TEKT5: variants seen among roughly 807,000 people sequenced by gnomAD.
TEKT5 encodes the protein tektin 5, also known as tektin-5.
Under a neutral mutation model 48.7 loss-of-function variants are expected in TEKT5, and 52 were observed. That is an observed-to-expected ratio of 1.07 (90% CI 0.86 to 1.35). The LOEUF (loss-of-function observed/expected upper bound fraction) is 1.35, where lower values mean the gene tolerates loss of function less well. Ranked by LOEUF, TEKT5 falls within the 40% of genes most tolerant of loss-of-function variation. The pLI is 0.00. For synonymous variants in TEKT5, 318 were observed against 267.6 expected (o/e 1.19, Z -1.84); for missense variants, 831 against 641.6 (o/e 1.30, Z -3.19).
chr16:10,679,542 T>G (rs1376553084), intron 4 of TEKT5, among the ~76,000 whole-genome samples: 1 of 151,926 alleles, frequency 6.6e-6, no homozygotes, highest in Non-Finnish European at 1.5e-5. Context: ...ATAGAGATAC[T>G]GCAATTCAGA....
Position 10,647,883 on chromosome 16 carries a change from C to A in TEKT5, c.1087-11965G>T, listed in dbSNP as rs573728578. ...CAAGCACTGTTCTAGGCAGTGGATC[C>A]GAGTAACCACAACAGCTGGAAAACC... On this transcript the variant is annotated intron_variant, in intron 5 of 6. Transcript: ENST00000283025. 2.0e-5 allele frequency among the ~76,000 whole-genome samples: 3 copies of A among 152,324 alleles called. No individual in the cohort carries two copies. In the East Asian group the frequency reaches 5.8e-4, roughly 29 times the overall value.
intron 5 of TEKT5, among the ~76,000 whole-genome samples, chr16:10,645,209 G>A (rs1022371784): frequency 4.6e-5 from 7 of 152,164 alleles, no homozygotes; most frequent in Admixed American, 2.6e-4. Flanking sequence ...ACATACTGAT[G>A]TTAAAACATG....
chr16:10,678,441 G>T (rs190318326), intron 4 of TEKT5, among the ~76,000 whole-genome samples: 1 of 152,232 alleles, frequency 6.6e-6, no homozygotes, highest in African/African-American at 2.4e-5. Flanking sequence ...ATGGTGCATA[G>T]AAAGTTTTAA....
At chr16:10,691,803 C>T (rs1567237889) in intron 1 of TEKT5, among the ~76,000 whole-genome samples, 1 of 152,022 alleles carries the variant, frequency 6.6e-6, no homozygotes, top group African/African-American at 2.4e-5. Context: ...AAAAGATTAG[C>T]GGGGCATAGT....
chr16:10,638,442 A>G (rs1897946159), intron 5 of TEKT5, among the ~76,000 whole-genome samples: 1 of 151,468 alleles, frequency 6.6e-6, no homozygotes, highest in South Asian at 2.1e-4. Flanking sequence ...TCCCAGACTC[A>G]GCAGGACACA....
At chr16:10,635,021 C>T (rs981460009) in intron 6 of TEKT5, among the ~76,000 whole-genome samples, 2 of 152,140 alleles carry the variant, frequency 1.3e-5, no homozygotes, top group East Asian at 1.9e-4. Flanking sequence ...TACTTTATTA[C>T]ACAGCAATAG....
intron 1 of TEKT5, among the ~76,000 whole-genome samples, chr16:10,690,917 C>T (rs966256795): frequency 1.3e-5 from 2 of 152,310 alleles, no homozygotes; most frequent in African/African-American, 4.8e-5. Flanking sequence ...TGACCCGTGC[C>T]ACAAGGATTT....
intron 4 of TEKT5, among the ~76,000 whole-genome samples, chr16:10,680,837 C>T (rs1308893189): frequency 1.7e-5 from 2 of 115,312 alleles, no homozygotes; most frequent in African/African-American, 3.3e-5. Context: ...GGAAGGGGAA[C>T]ATCACACTCT....
At chr16:10,652,357 C>G (rs955329707) in intron 5 of TEKT5, among the ~76,000 whole-genome samples, 2 of 151,870 alleles carry the variant, frequency 1.3e-5, no homozygotes, top group African/African-American at 4.8e-5. Flanking sequence ...CCCACTCTCT[C>G]CAGGCCAGGT....
chr16:10,661,103 G>A (rs1308009409), intron 5 of TEKT5, among the ~76,000 whole-genome samples: 1 of 152,178 alleles, frequency 6.6e-6, no homozygotes, highest in Non-Finnish European at 1.5e-5. Context: ...GACCACTGTA[G>A]CACAAAAGCA....
chr16:10,677,289 A>T (rs1898664290), intron 4 of TEKT5, among the ~76,000 whole-genome samples: 1 of 105,218 alleles, frequency 9.5e-6, no homozygotes, highest in Non-Finnish European at 1.8e-5. Context: ...AATACTCGGA[A>T]GGGTGTTGAG....
At chr16:10,681,058 A>C (rs1031639255) in intron 4 of TEKT5, among the ~76,000 whole-genome samples, 5 of 147,372 alleles carry the variant, frequency 3.4e-5, no homozygotes, top group African/African-American at 1.0e-4. Context: ...AAAAAAAAAA[A>C]CCTCACAATG....
At chr16:10,668,572 G>A (rs1898498328) in intron 5 of TEKT5, among the ~76,000 whole-genome samples, 1 of 152,174 alleles carries the variant, frequency 6.6e-6, no homozygotes, top group Non-Finnish European at 1.5e-5. Context: ...CAGTAGACAC[G>A]CAGGGCCTCA....
intron 5 of TEKT5, among the ~76,000 whole-genome samples, chr16:10,660,881 A>G (rs1898358627): frequency 1.3e-5 from 2 of 151,954 alleles, no homozygotes; most frequent in Admixed American, 6.6e-5. Context: ...TTGTATTTTT[A>G]GTTGAGATGT....
chr16:10,680,509 C>G (rs1383889097), intron 4 of TEKT5, among the ~76,000 whole-genome samples: 1 of 151,200 alleles, frequency 6.6e-6, no homozygotes, highest in Non-Finnish European at 1.5e-5. Context: ...ACTCCACCCT[C>G]TTTCTCATCC....
At chr16:10,647,292 A>C (rs1898084695) in intron 5 of TEKT5, among the ~76,000 whole-genome samples, 1 of 151,096 alleles carries the variant, frequency 6.6e-6, no homozygotes, top group African/African-American at 2.4e-5. Flanking sequence ...GCATGGTGAG[A>C]CCCTGTCTCT....
Position 10,694,706 on chromosome 16 carries a change from G to A in TEKT5, c.168C>T (p.Tyr56=). Residue 56 remains tyrosine (Y), a synonymous_variant, in exon 1 of 7, where the codon TAC becomes TAT. Transcript: ENST00000283025. ...YLNSWRPSLF[Y]KIANVQTCPD... ...GGCAGGTCTGGACGTTGGCTATCTT[G>A]TAGAAGAGGCTAGGCCTCCATGAAT... 2 of 1,613,956 alleles carry A rather than the reference G, an allele frequency of 1.2e-6. No individual in the cohort carries two copies. Among genetic ancestry groups the A allele is most frequent in the Non-Finnish European group, 1.7e-6 (2 of 1,179,878 alleles).
At position 10,648,609 on chromosome 16, in the gene TEKT5, G is replaced by A. The variant is rs906751869; in HGVS notation, c.1087-12691C>T. On this transcript the variant is annotated intron_variant, in intron 5 of 6. Coordinates refer to ENST00000283025, the MANE Select transcript of TEKT5 (RefSeq NM_144674.2). ...GGCCTCCCAAAGTGCTGGGATTACA[G>A]GCATGAGCCACCACGCCCTGCCTGC... Among the ~76,000 whole-genome samples, 170 of 152,348 alleles carry A rather than the reference G, an allele frequency of 1.1e-3. 2 individuals carry two copies. Among genetic ancestry groups the A allele is most frequent in the Non-Finnish European group, 2.1e-4 (14 of 68,022 alleles).
chr16:10,667,817 C>T (rs1898482999), intron 5 of TEKT5, among the ~76,000 whole-genome samples: 1 of 152,002 alleles, frequency 6.6e-6, no homozygotes, highest in Admixed American at 6.5e-5. Flanking sequence ...TGGAAAACTA[C>T]TATTGTTTTC....
Sources: allele counts gnomAD v4.1 joint callset (sites outside exome capture counted in the v4.1 genomes callset), GRCh38; gene constraint gnomAD v4.1.1; transcripts MANE v1.5; gene names NCBI Gene and HGNC (gene_info 2026-07-23, HGNC 2026-07-21).